NTNG1: variants seen among roughly 807,000 people sequenced by gnomAD.
The protein encoded by NTNG1 is netrin-G1.
A neutral mutation model predicts 54.0 loss-of-function variants in NTNG1; 16 were observed. That is an observed-to-expected ratio of 0.30 (90% CI 0.20 to 0.45). The LOEUF (loss-of-function observed/expected upper bound fraction) is 0.45. Ranked by LOEUF, NTNG1 falls within the 20% of genes least tolerant of loss-of-function variation. NTNG1 has a pLI of 1.00. For missense variants in NTNG1, 530 were observed against 678.7 expected (o/e 0.78, Z 2.43); for synonymous variants, 255 against 263.1 (o/e 0.97, Z 0.30).
At chr1:107,292,841 G>A (rs1665705869) in intron 2 of NTNG1, among the ~76,000 whole-genome samples, 1 of 152,080 alleles carries the variant, frequency 6.6e-6, no homozygotes. Flanking sequence ...AAGTCAAAAG[G>A]TCAAACTGTG....
intron 3 of NTNG1, among the ~76,000 whole-genome samples, chr1:107,333,224 AAGAGTCAAG>A (rs1347424599): frequency 6.6e-6 from 1 of 152,044 alleles, no homozygotes; most frequent in Admixed American, 6.6e-5. Context: ...AACATTGGCT[AAGAGTCAAG>A]AGAAATAGAT....
intron 2 of NTNG1, among the ~76,000 whole-genome samples, chr1:107,312,646 C>G (rs1557890467): frequency 6.6e-6 from 1 of 152,074 alleles, no homozygotes; most frequent in Non-Finnish European, 1.5e-5. Context: ...ATCTAAGGTA[C>G]TTTCTAAATA....
chr1:107,430,640 T>C (rs765033300), intron 5 of NTNG1, 110 bp from the exon 6 acceptor site: 1 of 1,070,492 alleles, frequency 9.3e-7, no homozygotes, highest in African/African-American at 1.5e-5. Context: ...CACATATATG[T>C]AATGCCATTC....
intron 7 of NTNG1, among the ~76,000 whole-genome samples, chr1:107,451,295 A>T (rs1488840312): frequency 2.0e-5 from 3 of 152,024 alleles, no homozygotes; most frequent in African/African-American, 7.2e-5. Flanking sequence ...AAGATTTTTT[A>T]AAAATAGTAT....
chr1:107,406,064 A>G (rs191307799), intron 4 of NTNG1, among the ~76,000 whole-genome samples: 43 of 152,272 alleles, frequency 2.8e-4, no homozygotes, highest in Admixed American at 6.5e-4. Context: ...GAAGCACTAC[A>G]AATTCTGAGC....
At chr1:107,332,997 GA>G (rs911584991) in intron 3 of NTNG1, among the ~76,000 whole-genome samples, 1 of 151,894 alleles carries the variant, frequency 6.6e-6, no homozygotes, top group East Asian at 1.9e-4. Context: ...GAAAAACATT[GA>G]AAAAAATGGA....
At chr1:107,264,109 C>T (rs764879232) in intron 2 of NTNG1, among the ~76,000 whole-genome samples, 4 of 151,880 alleles carry the variant, frequency 2.6e-5, no homozygotes, top group Non-Finnish European at 5.9e-5. Context: ...CAGATCCATG[C>T]CACCATCTTT....
intron 3 of NTNG1, among the ~76,000 whole-genome samples, chr1:107,375,795 A>G (rs1026742380): frequency 1.3e-5 from 2 of 152,224 alleles, no homozygotes; most frequent in African/African-American, 2.4e-5. Context: ...GAAGTTCACC[A>G]TGTCAGACAT....
chr1:107,356,159 A>G (rs1479303588), intron 3 of NTNG1, among the ~76,000 whole-genome samples: 3 of 152,204 alleles, frequency 2.0e-5, no homozygotes, highest in Non-Finnish European at 4.4e-5. Flanking sequence ...ATCTGGCATA[A>G]GGCCTCACAT....
intron 2 of NTNG1, among the ~76,000 whole-genome samples, chr1:107,257,344 G>A (rs1662996509): frequency 1.3e-5 from 2 of 152,162 alleles, no homozygotes; most frequent in South Asian, 4.1e-4. Context: ...TTTGAGAAAA[G>A]TAGGCCTTTT....
intron 2 of NTNG1, among the ~76,000 whole-genome samples, chr1:107,223,713 A>G (rs1206001684): frequency 6.6e-6 from 1 of 152,168 alleles, no homozygotes; most frequent in African/African-American, 2.4e-5. Flanking sequence ...AGTGGAGCTG[A>G]AAGAAAAAAG....
intron 5 of NTNG1, among the ~76,000 whole-genome samples, chr1:107,416,301 T>C (rs1255876968): frequency 6.6e-6 from 1 of 151,908 alleles, no homozygotes; most frequent in African/African-American, 2.4e-5. Context: ...TTCTACATAA[T>C]GAAAATTATT....
At chr1:107,328,074 T>A (rs1668070896) in intron 3 of NTNG1, among the ~76,000 whole-genome samples, 1 of 152,156 alleles carries the variant, frequency 6.6e-6, no homozygotes, top group South Asian at 2.1e-4. Flanking sequence ...GCCACATACT[T>A]ATTTTGCTTC....
At chr1:107,219,426 T>C (rs563558078) in intron 2 of NTNG1, among the ~76,000 whole-genome samples, 25 of 152,322 alleles carry the variant, frequency 1.6e-4, no homozygotes, top group African/African-American at 6.0e-4. Flanking sequence ...AATTCAGAGA[T>C]TTCGTCGTGA....
intron 2 of NTNG1, among the ~76,000 whole-genome samples, chr1:107,313,931 C>T (rs775273355): frequency 2.0e-5 from 3 of 152,326 alleles, no homozygotes; most frequent in Non-Finnish European, 4.4e-5. Context: ...TTTATCTCTG[C>T]AAGCCCTTTG....
In NTNG1 at chr1:107,484,158, T is replaced by C. The variant is rs146518264; in HGVS notation, c.*3318T>C. On this transcript the variant is annotated 3_prime_UTR_variant, in exon 8 of 8. Transcript: ENST00000370068. ...CAGGGAGTGGCAAAGGGTGCATCTG[T>C]GTGGATGGATTAGGCCCTGGGGCCT... 6.6e-6 allele frequency among the ~76,000 whole-genome samples: 1 copy of C among 152,150 alleles called. No homozygotes were observed. Among genetic ancestry groups the C allele is most frequent in the Non-Finnish European group, 1.5e-5 (1 of 68,004 alleles).
At chr1:107,317,335 G>A (rs144125412) in intron 2 of NTNG1, among the ~76,000 whole-genome samples, 2 of 152,068 alleles carry the variant, frequency 1.3e-5, no homozygotes, top group African/African-American at 2.4e-5. Flanking sequence ...CATCTATAAG[G>A]TGAAATACTC....
At chr1:107,389,000 G>A (rs1468900783) in intron 3 of NTNG1, among the ~76,000 whole-genome samples, 3 of 152,200 alleles carry the variant, frequency 2.0e-5, no homozygotes, top group Non-Finnish European at 4.4e-5. Flanking sequence ...AGCAGAGGAT[G>A]ATCCACATTT....
intron 2 of NTNG1, among the ~76,000 whole-genome samples, chr1:107,293,685 A>T (rs528645039): frequency 2.0e-5 from 3 of 152,294 alleles, no homozygotes; most frequent in South Asian, 2.1e-4. Context: ...TTCAATGCTT[A>T]TAGGGATTTT....
Sources: allele counts gnomAD v4.1 joint callset (sites outside exome capture counted in the v4.1 genomes callset), GRCh38; gene constraint gnomAD v4.1.1; transcripts MANE v1.5; gene names NCBI Gene and HGNC (gene_info 2026-07-23, HGNC 2026-07-21).